RWDD1: variants seen among roughly 807,000 people sequenced by gnomAD.
RWDD1 encodes the protein RWD domain containing 1.
A neutral mutation model predicts 31.6 loss-of-function variants in RWDD1; 17 were observed. That is an observed-to-expected ratio of 0.54 (90% CI 0.37 to 0.81). The LOEUF (loss-of-function observed/expected upper bound fraction) is 0.81, where lower values mean the gene tolerates loss of function less well. RWDD1 is among the 30% of genes least tolerant of loss of function. The pLI, the probability that RWDD1 is intolerant of heterozygous loss-of-function variation, is 0.00. For missense variants in RWDD1, 204 were observed against 274.5 expected (o/e 0.74, Z 1.82); for synonymous variants, 78 against 94.2 (o/e 0.83, Z 0.99).
At chr6:116,577,149 A>G (rs1314381274) in intron 1 of RWDD1, among the ~76,000 whole-genome samples, 1 of 152,218 alleles carries the variant, frequency 6.6e-6, no homozygotes, top group Non-Finnish European at 1.5e-5. Context: ...CACACTTTAT[A>G]TGGATAGGGA....
At chr6:116,589,873 AT>A (rs1200510548) in intron 4 of RWDD1, among the ~76,000 whole-genome samples, 1 of 152,198 alleles carries the variant, frequency 6.6e-6, no homozygotes, top group African/African-American at 2.4e-5. Flanking sequence ...GGCCACCATG[AT>A]TCAGTTACCT....
chr6:116,575,746 G>A (rs969559829), intron 1 of RWDD1, among the ~76,000 whole-genome samples: 1 of 152,190 alleles, frequency 6.6e-6, no homozygotes, highest in African/African-American at 2.4e-5. Flanking sequence ...ATTCCTCAGG[G>A]ACACATCTTC....
intron 1 of RWDD1, 197 bp from the exon 2 acceptor site, chr6:116,580,098 A>G: frequency 2.8e-6 from 1 of 360,796 alleles, no homozygotes; most frequent in East Asian, 4.0e-5. Context: ...TTCTTTCCAG[A>G]TTAAAGACAA....
At chr6:116,576,090 T>C (rs536410493) in intron 1 of RWDD1, among the ~76,000 whole-genome samples, 88 of 152,382 alleles carry the variant, frequency 5.8e-4, no homozygotes, top group African/African-American at 2.1e-3. Flanking sequence ...ATCTTTTTTC[T>C]TTGCCGTACT....
chr6:116,590,021 C>T (rs964150385), intron 4 of RWDD1, among the ~76,000 whole-genome samples: 2 of 152,204 alleles, frequency 1.3e-5, no homozygotes, highest in Admixed American at 1.3e-4. Context: ...GTGGTAAATA[C>T]AGTGAATACA....
Position 116,593,116 on chromosome 6 carries a change from C to G in RWDD1, c.*15C>G. On this transcript the variant is annotated 3_prime_UTR_variant, in exon 7 of 7. Coordinates refer to ENST00000466444, the MANE Select transcript of RWDD1 (RefSeq NM_015952.4). ...CAGCTGACTAATGGACTGTCCCCAT[C>G]TGCAGAGAGGCTTGACTGCCACAGC... 1 of 1,605,276 alleles carries G rather than the reference C, an allele frequency of 6.2e-7. No homozygotes were observed. The highest frequency in any genetic ancestry group is 8.5e-7 in the Non-Finnish European group (1 of 1,176,830).
intron 3 of RWDD1, among the ~76,000 whole-genome samples, chr6:116,587,613 GT>G (rs1317179054): frequency 1.3e-5 from 2 of 151,990 alleles, no homozygotes; most frequent in African/African-American, 4.8e-5. Context: ...GACTAGATCA[GT>G]TTTGTGGTGC....
In RWDD1 at chr6:116,580,277, G is replaced by A. The variant is rs773714797; in HGVS notation, c.74-18G>A. 8 of 1,572,014 alleles carry A rather than the reference G, an allele frequency of 5.1e-6. No individual in the cohort carries two copies. In the Admixed American group the frequency reaches 8.6e-5, roughly 17 times the overall value. Reference sequence around the variant, plus strand: ...CTTAGAAAGCATTTCAATAACTTCTGTGTGTATTTTCTTGCAGTATTATCA... The same window carrying A: ...CTTAGAAAGCATTTCAATAACTTCTATGTGTATTTTCTTGCAGTATTATCA... On this transcript the variant is annotated intron_variant, in intron 1 of 6. Transcript: ENST00000466444.
At position 116,597,647 on chromosome 6, in the gene RWDD1, G is replaced by A. The variant is rs1434901151; in HGVS notation, c.*4546G>A. The A allele has an allele frequency of 6.6e-6, 1 of 151,806 alleles. No individual in the cohort carries two copies. The allele number at this position is 151,806 out of a possible 1,614,324, so 9.4% of individuals were successfully genotyped here. On this transcript the variant is annotated 3_prime_UTR_variant, in exon 7 of 7. Transcript: ENST00000466444. ...AGTTTAAATTTTTTTAAAAAAACAG[G>A]TAAAAATAAAATATTTGCCAAAGAC...
rs1289880439 is a variant in RWDD1, at chr6:116,577,934, T to C, written c.74-2361T>C. Among the ~76,000 whole-genome samples the C allele has an allele frequency of 4.6e-5, 7 of 152,356 alleles. No individual in the cohort carries two copies. The East Asian group carries it at 1.3e-3, about 29-fold the overall frequency. On this transcript the variant is annotated intron_variant, in intron 1 of 6. Coordinates refer to ENST00000466444, the MANE Select transcript of RWDD1 (RefSeq NM_015952.4). The stretch of plus-strand genomic sequence containing the variant: ...ATTTCTTATTCCCTATATATATCTT[T>C]AGCTTTGCCACCATTATGCCCTTGC...
rs1387987771 is a variant in RWDD1, at chr6:116,593,945, A to C, written c.*844A>C. 9 of 142,422 alleles carry C rather than the reference A, an allele frequency of 6.3e-5. No homozygotes were observed. Among genetic ancestry groups the C allele is most frequent in the Non-Finnish European group, 1.2e-4 (8 of 64,678 alleles). 8.8% of individuals were successfully genotyped at this position (142,422 alleles called of 1,614,324 possible). On this transcript the variant is annotated 3_prime_UTR_variant, in exon 7 of 7. Coordinates refer to ENST00000466444, the MANE Select transcript of RWDD1 (RefSeq NM_015952.4). Reference sequence around the variant, plus strand: ...GGGCAACAGAGCAAGACTCCGTCTCAAAAAAAAAAAAAAGGTTTATTTGGC... The same window carrying C: ...GGGCAACAGAGCAAGACTCCGTCTCCAAAAAAAAAAAAAGGTTTATTTGGC...
chr6:116,578,100 G>A (rs1299919113), intron 1 of RWDD1, among the ~76,000 whole-genome samples: 1 of 152,100 alleles, frequency 6.6e-6, no homozygotes, highest in African/African-American at 2.4e-5. Flanking sequence ...GCTCTATATA[G>A]TTTATTCTGT....
At chr6:116,587,657 ACTCT>A (rs1247948749) in intron 3 of RWDD1, among the ~76,000 whole-genome samples, 2 of 146,222 alleles carry the variant, frequency 1.4e-5, no homozygotes, top group Non-Finnish European at 3.0e-5. Context: ...TCTCTCTGTG[ACTCT>A]CTCTGTGTGT....
chr6:116,597,112 G>A lies in RWDD1; in HGVS notation c.*4011G>A, dbSNP rs896422506. The stretch of plus-strand genomic sequence containing the variant: ...ATATTCCAGGAATACTGAACCAAGT[G>A]AGGAGAAAGATAGCAGTGGGTTGCT... On this transcript the variant is annotated 3_prime_UTR_variant, in exon 7 of 7. Transcript: ENST00000466444. The A allele has an allele frequency of 1.3e-5, 2 of 152,188 alleles. No individual in the cohort carries two copies. Among genetic ancestry groups the A allele is most frequent in the African/African-American group, 4.8e-5 (2 of 41,438 alleles). 9.4% of individuals were successfully genotyped at this position (152,188 alleles called of 1,614,324 possible).
chr6:116,581,602 A>G (rs1429691537), intron 2 of RWDD1, among the ~76,000 whole-genome samples: 1 of 152,052 alleles, frequency 6.6e-6, no homozygotes, highest in Non-Finnish European at 1.5e-5. Context: ...ACTAGTAGAA[A>G]AGTGGGCAAA....
chr6:116,587,982 G>A (rs572521937), intron 3 of RWDD1, among the ~76,000 whole-genome samples: 2 of 152,226 alleles, frequency 1.3e-5, no homozygotes, highest in African/African-American at 4.8e-5. Flanking sequence ...GATGATGGTT[G>A]TGTGTTGAGA....
Position 116,593,325 on chromosome 6 carries a change from C to A in RWDD1, c.*224C>A. The A allele has an allele frequency of 2.7e-6, 1 of 367,532 alleles. No homozygotes were observed. The highest frequency in any genetic ancestry group is 4.8e-6 in the Non-Finnish European group (1 of 210,402). 22.8% of individuals were successfully genotyped at this position (367,532 alleles called of 1,614,324 possible). ...CACAAGGTTACGTATTTAAAATCACCTAGTATTTGAGAGAGATCCTGCCTA... is the reference window on the plus strand; with the variant it reads ...CACAAGGTTACGTATTTAAAATCACATAGTATTTGAGAGAGATCCTGCCTA... On this transcript the variant is annotated 3_prime_UTR_variant, in exon 7 of 7. Transcript: ENST00000466444.
chr6:116,578,367 A>G (rs1774887961), intron 1 of RWDD1, among the ~76,000 whole-genome samples: 1 of 152,226 alleles, frequency 6.6e-6, no homozygotes, highest in African/African-American at 2.4e-5. Flanking sequence ...GAATTATAGT[A>G]TAAATCATGG....
At chr6:116,584,377 C>T (rs1775002893) in intron 2 of RWDD1, among the ~76,000 whole-genome samples, 1 of 133,564 alleles carries the variant, frequency 7.5e-6, no homozygotes, top group Non-Finnish European at 1.6e-5. Flanking sequence ...TGAAAATGAG[C>T]ATACGGTAGT....
Sources: allele counts gnomAD v4.1 joint callset (sites outside exome capture counted in the v4.1 genomes callset), GRCh38; gene constraint gnomAD v4.1.1; transcripts MANE v1.5; gene names NCBI Gene and HGNC (gene_info 2026-07-23, HGNC 2026-07-21).